Variants in DDX10 observed in about 807,000 individuals in gnomAD.
DDX10 encodes probable ATP-dependent RNA helicase DDX10.
In DDX10, 74 loss-of-function variants were observed where a neutral mutation model predicts 104.3. The observed-to-expected ratio is 0.71, with a 90% CI of 0.59 to 0.86. The LOEUF (loss-of-function observed/expected upper bound fraction) is 0.86. DDX10 is among the 40% of genes least tolerant of loss of function. The pLI is 0.00. For missense variants in DDX10, 952 were observed against 1,040.0 expected, an observed-to-expected ratio of 0.92 and a Z score of 1.16; for synonymous variants, 351 against 353.4, an observed-to-expected ratio of 0.99 and a Z score of 0.08.
chr11:108,762,190 G>A (rs1259316256), intron 13 of DDX10, among the ~76,000 whole-genome samples: 3 of 152,146 alleles, frequency 2.0e-5, no homozygotes, highest in Non-Finnish European at 4.4e-5. Context: ...GTTATTGAAT[G>A]CAGTGCTCAA....
intron 13 of DDX10, among the ~76,000 whole-genome samples, chr11:108,837,910 A>G (rs1265438854): frequency 6.6e-6 from 1 of 152,112 alleles, no homozygotes; most frequent in African/African-American, 2.4e-5. Context: ...GGCGTGAGCC[A>G]CCATGCTCGG....
At chr11:108,820,797 G>T (rs146549488) in intron 13 of DDX10, among the ~76,000 whole-genome samples, 92 of 152,296 alleles carry the variant, frequency 6.0e-4, no homozygotes, top group Non-Finnish European at 1.2e-3. Flanking sequence ...TTTCAGACAG[G>T]TCTGCTTCTC....
chr11:108,756,620 G>A (rs2094344730), intron 13 of DDX10, among the ~76,000 whole-genome samples: 1 of 152,018 alleles, frequency 6.6e-6, no homozygotes, highest in Non-Finnish European at 1.5e-5. Flanking sequence ...ATGTCTTTGT[G>A]GGTCAGCTGT....
At chr11:108,777,363 T>C (rs1182323114) in intron 13 of DDX10, among the ~76,000 whole-genome samples, 1 of 152,168 alleles carries the variant, frequency 6.6e-6, no homozygotes, top group Non-Finnish European at 1.5e-5. Context: ...AGAGTCTTGC[T>C]CTGTCACTCA....
At chr11:108,813,350 C>A (rs927204617) in intron 13 of DDX10, among the ~76,000 whole-genome samples, 1 of 152,100 alleles carries the variant, frequency 6.6e-6, no homozygotes, top group African/African-American at 2.4e-5. Flanking sequence ...TGAAGTTTAC[C>A]TTTACATGTC....
At chr11:108,807,338 G>A (rs1000848475) in intron 13 of DDX10, among the ~76,000 whole-genome samples, 3 of 152,102 alleles carry the variant, frequency 2.0e-5, no homozygotes, top group Non-Finnish European at 4.4e-5. Flanking sequence ...AGGATGTTAT[G>A]GGTTCAAATT....
chr11:108,907,906 A>G (rs115656519), intron 16 of DDX10, among the ~76,000 whole-genome samples: 2,279 of 152,328 alleles, frequency 0.015, 41 homozygotes, highest in African/African-American at 0.045. Context: ...TATTTTTGTT[A>G]ATATTACAAC....
intron 7 of DDX10, 81 bp downstream of exon 7, chr11:108,689,143 A>G: frequency 6.9e-7 from 1 of 1,455,226 alleles, no homozygotes; most frequent in Admixed American, 1.7e-5. Context: ...AAATTATTAT[A>G]TTGTACGAGA....
At chr11:108,682,901 A>G (rs1229715686) in intron 6 of DDX10, among the ~76,000 whole-genome samples, 1 of 151,436 alleles carries the variant, frequency 6.6e-6, no homozygotes, top group Non-Finnish European at 1.5e-5. Flanking sequence ...CTTCAAAGAC[A>G]TCTTTGTTGT....
At chr11:108,855,043 G>C (rs930120860) in intron 16 of DDX10, among the ~76,000 whole-genome samples, 1 of 152,176 alleles carries the variant, frequency 6.6e-6, no homozygotes, top group Non-Finnish European at 1.5e-5. Flanking sequence ...GGTTTGCTGG[G>C]TACCTAATAG....
intron 14 of DDX10, among the ~76,000 whole-genome samples, chr11:108,840,373 A>G (rs1299440101): frequency 6.6e-6 from 1 of 152,188 alleles, no homozygotes. Context: ...CTTTCAAAAC[A>G]ATGGTAGTTA....
intron 17 of DDX10, among the ~76,000 whole-genome samples, chr11:108,935,639 T>G (rs1348522962): frequency 6.6e-6 from 1 of 152,188 alleles, no homozygotes; most frequent in Admixed American, 6.5e-5. Context: ...AATGGCTTCC[T>G]AAGAAGGCTG....
At chr11:108,888,315 G>A (rs562528925) in intron 16 of DDX10, among the ~76,000 whole-genome samples, 2 of 152,156 alleles carry the variant, frequency 1.3e-5, no homozygotes, top group South Asian at 2.1e-4. Context: ...ACCATGGGTG[G>A]CTCCAATTAT....
chr11:108,851,617 C>T (rs1862793783), intron 15 of DDX10, among the ~76,000 whole-genome samples: 1 of 149,172 alleles, frequency 6.7e-6, no homozygotes, highest in Non-Finnish European at 1.5e-5. Context: ...TTTAAAGTCA[C>T]ATCTGTTAAT....
chr11:108,731,586 C>T (rs547816037), intron 13 of DDX10, among the ~76,000 whole-genome samples: 37 of 149,838 alleles, frequency 2.5e-4, no homozygotes, highest in Middle Eastern at 7.0e-3. Context: ...CATCATGGCT[C>T]GCTGCAGCCT....
intron 4 of DDX10, among the ~76,000 whole-genome samples, chr11:108,677,457 G>C (rs1334114007): frequency 6.6e-6 from 1 of 151,844 alleles, no homozygotes; most frequent in Non-Finnish European, 1.5e-5. Context: ...CGGGGAATCT[G>C]AATTGATTAG....
chr11:108,832,925 G>A (rs1436780085), intron 13 of DDX10, among the ~76,000 whole-genome samples: 2 of 152,298 alleles, frequency 1.3e-5, no homozygotes, highest in East Asian at 3.9e-4. Flanking sequence ...CTCTCTGGAA[G>A]GATACAGAAG....
chr11:108,803,171 A>G (rs773150388), intron 13 of DDX10, among the ~76,000 whole-genome samples: 3 of 151,978 alleles, frequency 2.0e-5, no homozygotes, highest in Non-Finnish European at 4.4e-5. Context: ...TTCTTGCAAT[A>G]TATCAGACTT....
chr11:108,783,591 G>A (rs937165317), intron 13 of DDX10, among the ~76,000 whole-genome samples: 5 of 152,190 alleles, frequency 3.3e-5, no homozygotes, highest in Non-Finnish European at 7.3e-5. Flanking sequence ...TAGGGTTCAG[G>A]AGGATGTGGG....
Sources: gnomAD v4.1 joint callset for allele counts (sites outside exome capture counted in the v4.1 genomes callset) on GRCh38, gnomAD v4.1.1 for gene constraint, MANE v1.5 for transcripts, NCBI Gene and HGNC (gene_info 2026-07-23, HGNC 2026-07-21) for gene names.